Variants in CCDC15 observed in about 807,000 individuals in gnomAD.
CCDC15 encodes coiled-coil domain containing 15.
Under a neutral mutation model 114.5 loss-of-function variants are expected in CCDC15, and 105 were observed. The observed-to-expected ratio is 0.92, with a 90% CI of 0.78 to 1.08. CCDC15 has a LOEUF of 1.08. Among genes scored for constraint, CCDC15 ranks in the 50% least tolerant of loss-of-function variants. The pLI is 0.00. For synonymous variants in CCDC15, 334 were observed against 377.8 expected (o/e 0.88, Z 1.34); for missense variants, 1,105 against 1,093.6 (o/e 1.01, Z -0.15).
At chr11:125,005,875 G>A (rs1948548071) in intron 13 of CCDC15, among the ~76,000 whole-genome samples, 1 of 151,950 alleles carries the variant, frequency 6.6e-6, no homozygotes, top group Non-Finnish European at 1.5e-5. Flanking sequence ...TTCCTCTAAT[G>A]CTTTTTTATG....
intron 4 of CCDC15, among the ~76,000 whole-genome samples, chr11:124,972,665 A>G (rs1007428018): frequency 6.6e-6 from 1 of 152,178 alleles, no homozygotes; most frequent in Non-Finnish European, 1.5e-5. Context: ...AATCCACTTC[A>G]CTAAACCAAA....
At chr11:124,998,737 C>CT (rs35263582) in intron 11 of CCDC15, among the ~76,000 whole-genome samples, 362 of 129,900 alleles carry the variant, frequency 2.8e-3, no homozygotes, top group Admixed American at 4.3e-3. Context: ...AGAGTCTCTA[C>CT]TTTTTTTTTT....
At chr11:125,027,221 A>G (rs1398283475) in intron 13 of CCDC15, among the ~76,000 whole-genome samples, 1 of 152,062 alleles carries the variant, frequency 6.6e-6, no homozygotes, top group Admixed American at 6.5e-5. Context: ...TGTCTTTTTC[A>G]TATAATGACT....
chr11:125,012,751 T>C (rs542664467), intron 13 of CCDC15, among the ~76,000 whole-genome samples: 1 of 152,208 alleles, frequency 6.6e-6, no homozygotes, highest in African/African-American at 2.4e-5. Flanking sequence ...ACAAGGGCTT[T>C]CATATATTAT....
chr11:124,987,017 C>T, intron 7 of CCDC15, 110 bp from the exon 8 acceptor site: 2 of 1,369,116 alleles, frequency 1.5e-6, no homozygotes, highest in South Asian at 1.7e-5. Context: ...ACATTTTGTT[C>T]TAGTAATTTG....
At chr11:125,002,562 T>C (rs942845479) in intron 11 of CCDC15, among the ~76,000 whole-genome samples, 35 of 152,106 alleles carry the variant, frequency 2.3e-4, no homozygotes, top group African/African-American at 7.7e-4. Context: ...GCATTTTGAG[T>C]AAATTTTTGT....
chr11:125,006,035 AGTT>A (rs1159558611), intron 13 of CCDC15, among the ~76,000 whole-genome samples: 1 of 152,174 alleles, frequency 6.6e-6, no homozygotes, highest in Non-Finnish European at 1.5e-5. Flanking sequence ...TCTATGTACA[AGTT>A]TTTGTGGGGG....
intron 4 of CCDC15, among the ~76,000 whole-genome samples, chr11:124,969,536 T>C (rs1407825100): frequency 3.9e-5 from 6 of 152,182 alleles, no homozygotes; most frequent in Admixed American, 1.3e-4. Flanking sequence ...TATTCCAGCT[T>C]TTTGTTTCTC....
At chr11:124,970,436 A>G (rs1041576022) in intron 4 of CCDC15, among the ~76,000 whole-genome samples, 2 of 152,214 alleles carry the variant, frequency 1.3e-5, no homozygotes, top group African/African-American at 2.4e-5. Flanking sequence ...CTTTTAATGT[A>G]TGGTATTTTC....
At chr11:124,975,231 G>C (rs1390791736) in intron 5 of CCDC15, 22 bp downstream of exon 5, 1 of 1,385,656 alleles carries the variant, frequency 7.2e-7, no homozygotes. Context: ...TCTAATACAT[G>C]ATTTAAAAAA....
chr11:124,971,198 T>C (rs145147135), intron 4 of CCDC15, among the ~76,000 whole-genome samples: 1 of 152,158 alleles, frequency 6.6e-6, no homozygotes, highest in South Asian at 2.1e-4. Context: ...AATGGTTTGT[T>C]AGTTAGGAAA....
intron 6 of CCDC15, among the ~76,000 whole-genome samples, chr11:124,980,308 C>G: frequency 6.6e-6 from 1 of 152,260 alleles, no homozygotes; most frequent in East Asian, 1.9e-4. Flanking sequence ...AGGACTTCCT[C>G]CTCCTCAATC....
chr11:125,015,059 G>T (rs1194710754), intron 13 of CCDC15, among the ~76,000 whole-genome samples: 1 of 152,032 alleles, frequency 6.6e-6, no homozygotes, highest in Non-Finnish European at 1.5e-5. Context: ...ACTTTTGAGA[G>T]AATAATAATG....
At chr11:125,013,566 A>AT (rs1346019725) in intron 13 of CCDC15, among the ~76,000 whole-genome samples, 1 of 152,170 alleles carries the variant, frequency 6.6e-6, no homozygotes, top group Non-Finnish European at 1.5e-5. Context: ...AAGAAGTAGA[A>AT]TCCATAGATT....
At chr11:124,964,148 C>T (rs1334950347) in intron 4 of CCDC15, among the ~76,000 whole-genome samples, 1 of 152,048 alleles carries the variant, frequency 6.6e-6, no homozygotes, top group Non-Finnish European at 1.5e-5. Context: ...TCCATATGAA[C>T]TTTAAAGTAG....
At position 124,986,888 on chromosome 11, in the gene CCDC15, G is replaced by A; in HGVS notation, c.900G>A (p.Gln300=). ...AGAACAAACCTTTCAGCAGAGTTCA[G>A]GTAAAGCAATAAGAGAAATTAAATT... ...EDKNKPFSRV[Q]KVKFKNPLFV... Residue 300 remains glutamine (Q), a splice_region_variant and synonymous_variant, in exon 7 of 16, where the codon CAG becomes CAA. Coordinates refer to ENST00000344762, the MANE Select transcript of CCDC15 (RefSeq NM_025004.3). The A allele has an allele frequency of 6.5e-7, 1 of 1,542,442 alleles. No individual in the cohort carries two copies. The highest frequency in any genetic ancestry group is 8.7e-7 in the Non-Finnish European group (1 of 1,145,840).
At chr11:125,033,459 A>T (rs1024279358) in intron 13 of CCDC15, among the ~76,000 whole-genome samples, 1 of 152,148 alleles carries the variant, frequency 6.6e-6, no homozygotes, top group African/African-American at 2.4e-5. Flanking sequence ...TGGGGTTCCC[A>T]TTGTTAGATC....
rs1427259804 is a variant in CCDC15, at chr11:125,038,523, T to A, written c.2504T>A (p.Leu835Ter). 4 of 1,588,220 alleles carry A rather than the reference T, an allele frequency of 2.5e-6. No individual in the cohort carries two copies. Among genetic ancestry groups the A allele is most frequent in the Admixed American group, 1.8e-5 (1 of 56,232 alleles). ...GAAGATCCATATTCAGGAGAGAAGTTGAGTGAGATATTAGCCCAGTTACAA... is the reference window on the plus strand; with the variant it reads ...GAAGATCCATATTCAGGAGAGAAGTAGAGTGAGATATTAGCCCAGTTACAA... ...FHEDPYSGEKLSEILAQLQLQ... is the reference protein window; with the variant it reads ...FHEDPYSGEK The change falls in exon 14 of 16, where the codon TTG (leucine) becomes TAG (stop). Residue 835 changes from leucine to a stop codon, truncating the protein, a stop_gained. Transcript: ENST00000344762. LOFTEE classifies it high-confidence loss of function.
At chr11:125,011,632 C>T (rs189699312) in intron 13 of CCDC15, among the ~76,000 whole-genome samples, 44 of 152,246 alleles carry the variant, frequency 2.9e-4, no homozygotes, top group Middle Eastern at 6.8e-3. Flanking sequence ...ATTTTAAGTG[C>T]TTTCACATGT....
Sources: allele counts gnomAD v4.1 joint callset (sites outside exome capture counted in the v4.1 genomes callset), GRCh38; gene constraint gnomAD v4.1.1; transcripts MANE v1.5; gene names NCBI Gene and HGNC (gene_info 2026-07-23, HGNC 2026-07-21).